SENP6: variants seen among roughly 807,000 people sequenced by gnomAD.
The protein encoded by SENP6 is sentrin-specific protease 6.
SENP6 carries 41 observed loss-of-function variants against 134.5 expected under a neutral mutation model. The observed-to-expected ratio is 0.30, with a 90% CI of 0.24 to 0.40. The LOEUF (loss-of-function observed/expected upper bound fraction) is 0.40. Ranked by LOEUF, SENP6 falls within the 10% of genes least tolerant of loss-of-function variation. SENP6 has a pLI of 1.00. For synonymous variants in SENP6, 395 were observed against 429.8 expected (o/e 0.92, Z 1.00); for missense variants, 1,248 against 1,312.5 (o/e 0.95, Z 0.76).
chr6:75,685,141 C>CATA (rs1374192701), intron 16 of SENP6, among the ~76,000 whole-genome samples: 3 of 152,102 alleles, frequency 2.0e-5, no homozygotes, highest in Admixed American at 1.3e-4. Flanking sequence ...GTGTATGTGT[C>CATA]CAGGAATTTA....
intron 10 of SENP6, among the ~76,000 whole-genome samples, chr6:75,668,840 T>C (rs1053280414): frequency 1.3e-5 from 2 of 152,218 alleles, no homozygotes; most frequent in Admixed American, 6.5e-5. Context: ...GCACACTGAA[T>C]CATAAGGGTA....
intron 16 of SENP6, among the ~76,000 whole-genome samples, chr6:75,684,499 G>C (rs1188045354): frequency 6.6e-6 from 1 of 152,160 alleles, no homozygotes; most frequent in African/African-American, 2.4e-5. Flanking sequence ...AATGCTTCCA[G>C]TTTTTGCCCA....
chr6:75,618,889 T>TCA (rs1189279629), intron 1 of SENP6, among the ~76,000 whole-genome samples: 16 of 152,154 alleles, frequency 1.1e-4, no homozygotes, highest in Non-Finnish European at 5.9e-5. Flanking sequence ...TGTATACTGA[T>TCA]GGTTTGCTCA....
At chr6:75,696,482 GT>G (rs1262848985) in intron 17 of SENP6, among the ~76,000 whole-genome samples, 3 of 151,888 alleles carry the variant, frequency 2.0e-5, no homozygotes, top group African/African-American at 7.3e-5. Context: ...GGCCTGATTT[GT>G]TTTCTTTTTT....
At chr6:75,709,380 T>C (rs1241347056) in intron 19 of SENP6, 147 bp from the exon 20 acceptor site, 10 of 523,966 alleles carry the variant, frequency 1.9e-5, no homozygotes, top group South Asian at 1.7e-4. Context: ...AATAACTTAC[T>C]TTATGTTTGT....
chr6:75,629,628 T>C (rs1296966250), intron 3 of SENP6, among the ~76,000 whole-genome samples: 3 of 152,190 alleles, frequency 2.0e-5, no homozygotes, highest in African/African-American at 4.8e-5. Context: ...TTGATTACCA[T>C]GACTAAAGCT....
intron 6 of SENP6, 121 bp from the exon 7 acceptor site, chr6:75,647,607 CTTT>C (rs1421787749): frequency 2.0e-6 from 1 of 507,014 alleles, no homozygotes; most frequent in East Asian, 3.4e-5. Context: ...TATAGTATCA[CTTT>C]TTATATGGCA....
At chr6:75,688,277 C>G (rs1773991513) in intron 16 of SENP6, among the ~76,000 whole-genome samples, 1 of 152,150 alleles carries the variant, frequency 6.6e-6, no homozygotes, top group Non-Finnish European at 1.5e-5. Flanking sequence ...GCGGGAGTGT[C>G]CCATTTTTCC....
intron 1 of SENP6, among the ~76,000 whole-genome samples, chr6:75,604,316 G>A (rs536045965): frequency 1.8e-4 from 28 of 152,276 alleles, no homozygotes; most frequent in Middle Eastern, 3.4e-3. Context: ...CAAGCAAACG[G>A]TAACTTCTTT....
At chr6:75,703,216 G>A (rs1775161765) in intron 19 of SENP6, 144 bp downstream of exon 19, 1 of 689,116 alleles carries the variant, frequency 1.5e-6, no homozygotes, top group Non-Finnish European at 2.4e-6. Context: ...AGCACTTTGG[G>A]AGGCCAAGGC....
At chr6:75,678,020 AAAG>A (rs1773212102) in intron 14 of SENP6, 1 of 152,572 alleles carries the variant, frequency 6.6e-6, no homozygotes, top group Admixed American at 6.5e-5. Flanking sequence ...GAAAAGAACA[AAAG>A]AAGAAAGGGA....
intron 16 of SENP6, among the ~76,000 whole-genome samples, chr6:75,694,200 G>A (rs1347073003): frequency 6.6e-6 from 1 of 152,176 alleles, no homozygotes; most frequent in African/African-American, 2.4e-5. Context: ...AAGTTGTGGT[G>A]AGCCGAGATC....
chr6:75,623,004 A>G, intron 2 of SENP6: 1 of 263,686 alleles, frequency 3.8e-6, no homozygotes, highest in Non-Finnish European at 7.4e-6. Context: ...ATTAAGCTGC[A>G]TAGAAAATAT....
chr6:75,692,884 C>A (rs866775170), intron 16 of SENP6, among the ~76,000 whole-genome samples: 8 of 151,886 alleles, frequency 5.3e-5, no homozygotes, highest in Admixed American at 2.0e-4. Flanking sequence ...GACAACATGG[C>A]GAAACCCCAT....
intron 14 of SENP6, chr6:75,678,168 C>G (rs933011303): frequency 6.3e-6 from 1 of 158,318 alleles, no homozygotes; most frequent in Middle Eastern, 3.2e-3. Flanking sequence ...TTTCACTTAG[C>G]TTTATGGAGG....
At chr6:75,659,524 A>T in intron 8 of SENP6, 117 bp downstream of exon 8, 1 of 942,424 alleles carries the variant, frequency 1.1e-6, no homozygotes, top group Non-Finnish European at 1.6e-6. Context: ...GACTTGGAAA[A>T]CTTATTTAGG....
chr6:75,607,529 A>G (rs186669206), intron 1 of SENP6, among the ~76,000 whole-genome samples: 3 of 151,640 alleles, frequency 2.0e-5, no homozygotes, highest in East Asian at 3.9e-4. Context: ...GCACTTGTTC[A>G]TATCTAGTTT....
rs564808567 is a variant in SENP6, at chr6:75,645,901, G to T, written c.480-1830G>T. On this transcript the variant is annotated intron_variant, in intron 6 of 23. Transcript: ENST00000447266. ...AGGGAAGTATACACATTAGTTTAAT[G>T]TTACAATACTTGGTAAGATTGTAGC... 8.5e-5 allele frequency among the ~76,000 whole-genome samples: 13 copies of T among 152,282 alleles called. No homozygotes were observed. The South Asian group carries it at 1.9e-3, about 22-fold the overall frequency.
intron 16 of SENP6, among the ~76,000 whole-genome samples, chr6:75,681,161 A>G (rs969173629): frequency 9.2e-5 from 14 of 152,172 alleles, no homozygotes; most frequent in East Asian, 1.9e-4. Flanking sequence ...GTAATCCACA[A>G]TGTTGGAAGA....
Sources: allele counts gnomAD v4.1 joint callset (sites outside exome capture counted in the v4.1 genomes callset), GRCh38; gene constraint gnomAD v4.1.1; transcripts MANE v1.5; gene names NCBI Gene and HGNC (gene_info 2026-07-23, HGNC 2026-07-21).